The following HAUS8 variants were observed in gnomAD, a reference collection of about 807,000 sequenced individuals.
HAUS8 encodes HAUS augmin-like complex subunit 8.
HAUS8 carries 38 observed loss-of-function variants against 42.9 expected under a neutral mutation model. That is an observed-to-expected ratio of 0.89 (90% CI 0.68 to 1.16). The LOEUF (loss-of-function observed/expected upper bound fraction) is 1.16, where lower values mean the gene tolerates loss of function less well. Ranked by LOEUF, HAUS8 falls within the 50% of genes most tolerant of loss-of-function variation. The pLI is 0.00. For synonymous variants in HAUS8, 199 were observed against 205.8 expected (o/e 0.97, Z 0.28); for missense variants, 494 against 511.6 (o/e 0.97, Z 0.33).
intron 9 of HAUS8, among the ~76,000 whole-genome samples, chr19:17,055,563 C>T (rs904397479): frequency 2.0e-5 from 3 of 152,008 alleles, no homozygotes; most frequent in Non-Finnish European, 4.4e-5. Flanking sequence ...TTGTCACCCC[C>T]CAACCACTAC....
chr19:17,069,396 G>A (rs1372433363), intron 2 of HAUS8, among the ~76,000 whole-genome samples: 1 of 151,630 alleles, frequency 6.6e-6, no homozygotes, highest in Non-Finnish European at 1.5e-5. Context: ...AGGGAAAGAA[G>A]AAAGAGCTTT....
intron 6 of HAUS8, 70 bp from the exon 7 acceptor site, chr19:17,058,946 G>A (rs1362699991): frequency 9.8e-6 from 13 of 1,320,980 alleles, no homozygotes; most frequent in South Asian, 6.2e-5. Context: ...TCCCAGCAGG[G>A]GGAGAACTCT....
intron 6 of HAUS8, among the ~76,000 whole-genome samples, chr19:17,059,236 G>C (rs1247705309): frequency 1.3e-5 from 2 of 152,174 alleles, no homozygotes; most frequent in Non-Finnish European, 2.9e-5. Context: ...CCTCACCCCA[G>C]TGAGACCACA....
At position 17,065,106 on chromosome 19, in the gene HAUS8, G is replaced by C. The variant is rs143133578; in HGVS notation, c.148-2327C>G. Among the ~76,000 whole-genome samples, 751 of 152,180 alleles carry C rather than the reference G, an allele frequency of 4.9e-3. 5 individuals carry two copies. The highest frequency in any genetic ancestry group is 0.017 in the African/African-American group (705 of 41,518). On this transcript the variant is annotated intron_variant, in intron 3 of 10. Transcript: ENST00000253669. ...ACATGAAAAGATGCTCAATATCATC[G>C]GCTATTATGAAAACACAAATGAAAA...
chr19:17,060,225 T>TAAAAA, intron 4 of HAUS8, 133 bp from the exon 5 acceptor site: 3 of 278,134 alleles, frequency 1.1e-5, no homozygotes, highest in South Asian at 9.7e-5. Flanking sequence ...GTGGAAAGGC[T>TAAAAA]AAAAAAAAAA....
At chr19:17,073,162 A>T in intron 2 of HAUS8, 112 bp downstream of exon 2, 1 of 913,736 alleles carries the variant, frequency 1.1e-6, no homozygotes, top group Non-Finnish European at 1.8e-6. Flanking sequence ...AGGTGTGACT[A>T]CAAGGAAGTA....
At chr19:17,052,074 A>C (rs926321149) in intron 10 of HAUS8, 2 of 152,158 alleles carry the variant, frequency 1.3e-5, no homozygotes, top group African/African-American at 4.8e-5. Context: ...CAGGAGGTGG[A>C]GGTTGCAGTG....
chr19:17,075,283 G>C (rs2057463527), intron 1 of HAUS8, 111 bp downstream of exon 1: 4 of 1,209,724 alleles, frequency 3.3e-6, no homozygotes, highest in Middle Eastern at 3.8e-4. Flanking sequence ...GCAGTTCCTG[G>C]CGGGGTCGAA....
rs1306524106 is a variant in HAUS8 at position 17,056,064 on chromosome 19, A to G, written c.646-62T>C. On this transcript the variant is annotated intron_variant, in intron 8 of 10. Coordinates refer to ENST00000253669, the MANE Select transcript of HAUS8 (RefSeq NM_033417.2). ...GTCCCCTCTCTGGAAACTTAACAGA[A>G]GCTTAACGGCTTGTGCAGGGTTAAG... 2.6e-6 allele frequency: 4 copies of G among 1,521,102 alleles called. No individual in the cohort carries two copies. In the African/African-American group the frequency reaches 5.5e-5, roughly 21 times the overall value. 94.2% of individuals were successfully genotyped at this position (1,521,102 alleles called of 1,614,324 possible). A position where few individuals can be genotyped will look rare whatever the true frequency, so the allele number is the denominator to read the frequency against.
chr19:17,065,823 C>CAAA (rs60912543), intron 3 of HAUS8, among the ~76,000 whole-genome samples: 2 of 129,168 alleles, frequency 1.5e-5, no homozygotes, highest in African/African-American at 2.8e-5. Flanking sequence ...GGCTCTATCT[C>CAAA]AAAAAAAAAA....
At chr19:17,062,902 G>A (rs1484719600) in intron 3 of HAUS8, 123 bp from the exon 4 acceptor site, 5 of 728,160 alleles carry the variant, frequency 6.9e-6, no homozygotes, top group Non-Finnish European at 9.4e-6. Flanking sequence ...GACATTTAAA[G>A]AGGTTTGAAA....
At chr19:17,068,360 C>A (rs1453667033) in intron 3 of HAUS8, among the ~76,000 whole-genome samples, 1 of 152,084 alleles carries the variant, frequency 6.6e-6, no homozygotes, top group Non-Finnish European at 1.5e-5. Context: ...GTGATCCGCC[C>A]ACCTCGGCCT....
chr19:17,070,272 C>G (rs2057413631), intron 2 of HAUS8, among the ~76,000 whole-genome samples: 1 of 152,022 alleles, frequency 6.6e-6, no homozygotes, highest in Admixed American at 6.5e-5. Flanking sequence ...CTGAGCCCAG[C>G]AGTCCATTCT....
At position 17,050,040 on chromosome 19, in the gene HAUS8, C is replaced by T; in HGVS notation, c.1066G>A (p.Glu356Lys). 1.9e-6 allele frequency: 3 copies of T among 1,609,242 alleles called. No individual in the cohort carries two copies. In the South Asian group the frequency reaches 3.3e-5, roughly 18 times the overall value. ...GTGTTCTTGGGTGCTCCCCCAGATT[C>T]TCTGCAGGCACTGTCTTGATTGAAA... ...WYFNQDSACRESGGAPKNTPL... is the reference protein window; with the variant it reads ...WYFNQDSACRKSGGAPKNTPL... Residue 356 changes from glutamate to lysine, a missense_variant, in exon 11 of 11, where the codon GAA becomes AAA. Glu to Lys is a moderately conservative substitution (Grantham distance 56). Transcript: ENST00000253669.
Position 17,062,721 on chromosome 19 carries a change from G to T in HAUS8, c.206C>A (p.Ser69Tyr). ...ACCTTTGCTTTTCTGGAGCAGGCTGGATTTCCTTCCACCTTCAGACATCTT... is the reference window on the plus strand; with the variant it reads ...ACCTTTGCTTTTCTGGAGCAGGCTGTATTTCCTTCCACCTTCAGACATCTT... ...RGKMSEGGRK[S>Y]SLLQKSKADS... is the part of the protein sequence containing the mutation. The change falls in exon 4 of 11, where the codon TCC becomes TAC. Residue 69 changes from serine to tyrosine, a missense_variant. Transcript: ENST00000253669. The T allele has an allele frequency of 6.2e-7, 1 of 1,614,098 alleles. No homozygotes were observed. The highest frequency in any genetic ancestry group is 1.3e-5 in the African/African-American group (1 of 75,028).
intron 1 of HAUS8, chr19:17,073,573 G>A: frequency 7.2e-6 from 4 of 558,924 alleles, no homozygotes; most frequent in Non-Finnish European, 1.3e-5. Context: ...AGGGTAATGA[G>A]AGCTCTGTGG....
chr19:17,053,162 G>C, intron 9 of HAUS8, 196 bp from the exon 10 acceptor site: 2 of 619,036 alleles, frequency 3.2e-6, no homozygotes, highest in South Asian at 3.9e-5. Context: ...TTGTGGGACA[G>C]GCACATCCAT....
rs755800302 is a variant in HAUS8 at position 17,049,829 on chromosome 19, C to T, written c.*44G>A. 5.2e-6 allele frequency: 7 copies of T among 1,337,850 alleles called. No homozygotes were observed. Among genetic ancestry groups the T allele is most frequent in the African/African-American group, 3.0e-5 (2 of 66,612 alleles). The allele number at this position is 1,337,850 out of a possible 1,614,324, so 82.9% of individuals were successfully genotyped here. A position where few individuals can be genotyped will look rare whatever the true frequency, so the allele number is the denominator to read the frequency against. ...CACATAAAAAATAGCTACAGTGCTA[C>T]GGTAGTATATAAAGTGCTCAAGTAT... On this transcript the variant is annotated 3_prime_UTR_variant, in exon 11 of 11. Transcript: ENST00000253669.
chr19:17,074,334 C>G (rs571906952), intron 1 of HAUS8: 5 of 152,568 alleles, frequency 3.3e-5, no homozygotes, highest in African/African-American at 1.2e-4. Context: ...GCTCCCAGGA[C>G]CCCAAAGTGA....
Sources: allele counts gnomAD v4.1 joint callset (sites outside exome capture counted in the v4.1 genomes callset), GRCh38; gene constraint gnomAD v4.1.1; transcripts MANE v1.5; gene names NCBI Gene and HGNC (gene_info 2026-07-23, HGNC 2026-07-21).